Variants in USP31 observed in about 807,000 individuals in gnomAD.
USP31 encodes ubiquitin carboxyl-terminal hydrolase 31.
USP31 carries 44 observed loss-of-function variants against 119.4 expected under a neutral mutation model. That is an observed-to-expected ratio of 0.37 (90% CI 0.29 to 0.47). The LOEUF (loss-of-function observed/expected upper bound fraction) is 0.47. Ranked by LOEUF, USP31 falls within the 20% of genes least tolerant of loss-of-function variation. USP31 has a pLI of 0.99. For synonymous variants in USP31, 749 were observed against 705.6 expected (o/e 1.06, Z -0.97); for missense variants, 1,643 against 1,730.2 (o/e 0.95, Z 0.89).
chr16:23,144,671 G>A (rs1375035531), intron 1 of USP31, among the ~76,000 whole-genome samples: 1 of 151,938 alleles, frequency 6.6e-6, no homozygotes, highest in Non-Finnish European at 1.5e-5. Flanking sequence ...TAGTAGAGAT[G>A]GGGTTTCACC....
At chr16:23,076,032 G>A (rs1900556070) in intron 13 of USP31, among the ~76,000 whole-genome samples, 2 of 152,114 alleles carry the variant, frequency 1.3e-5, no homozygotes, top group Admixed American at 1.3e-4. Flanking sequence ...GCTGCAGTGA[G>A]CCACGATCAC....
In USP31 at chr16:23,069,235, C is replaced by T. The variant is rs778950135; in HGVS notation, c.2870G>A (p.Arg957Lys). The T allele has an allele frequency of 6.2e-7, 1 of 1,614,218 alleles. No homozygotes were observed. Among genetic ancestry groups the T allele is most frequent in the South Asian group, 1.1e-5 (1 of 91,074 alleles). Residue 957 changes from arginine (R) to lysine (K), a missense_variant, in exon 16 of 16, where the codon AGA becomes AAA. Arg to Lys is a conservative substitution (Grantham distance 26). Transcript: ENST00000219689. Reference protein sequence around the residue: ...GVFKDESDTRRLNSSVVDTQS... With the variant: ...GVFKDESDTRKLNSSVVDTQS... ...TGTATCTACGACACTGGAGTTCAAT[C>T]TGCGGGTGTCCGATTCGTCTTTGAA...
At chr16:23,101,241 AGT>A (rs967980265) in intron 6 of USP31, among the ~76,000 whole-genome samples, 2 of 152,228 alleles carry the variant, frequency 1.3e-5, no homozygotes, top group African/African-American at 4.8e-5. Context: ...GGAAAAATGC[AGT>A]GTGTGTCAAC....
intron 12 of USP31, 116 bp from the exon 13 acceptor site, chr16:23,080,287 G>T: frequency 1.2e-6 from 1 of 840,558 alleles, no homozygotes; most frequent in Non-Finnish European, 1.8e-6. Context: ...CCTATCTGAT[G>T]TTTCCCAAGA....
chr16:23,149,275 G>T lies in USP31; in HGVS notation c.-5C>A. 1 of 1,078,154 alleles carries T rather than the reference G, an allele frequency of 9.3e-7. No individual in the cohort carries two copies. The highest frequency in any genetic ancestry group is 1.1e-6 in the Non-Finnish European group (1 of 890,986). The allele number at this position is 1,078,154 out of a possible 1,614,324, so 66.8% of individuals were successfully genotyped here. A position where few individuals can be genotyped will look rare whatever the true frequency, so the allele number is the denominator to read the frequency against. On this transcript the variant is annotated 5_prime_UTR_variant, in exon 1 of 16. Coordinates refer to ENST00000219689, the MANE Select transcript of USP31 (RefSeq NM_020718.4). Reference sequence around the variant, plus strand: ...AGGCGCCGTTACCTTGGACATGGCGGCGGCCGCAGACACTCATCACCGCGC... The same window carrying T: ...AGGCGCCGTTACCTTGGACATGGCGTCGGCCGCAGACACTCATCACCGCGC...
intron 6 of USP31, among the ~76,000 whole-genome samples, chr16:23,094,707 CA>C (rs1279815620): frequency 6.6e-6 from 1 of 152,204 alleles, no homozygotes; most frequent in Non-Finnish European, 1.5e-5. Context: ...GATACCCAGG[CA>C]AACAGGGTCT....
chr16:23,141,070 AG>A (rs1393960206), intron 1 of USP31, among the ~76,000 whole-genome samples: 1 of 152,194 alleles, frequency 6.6e-6, no homozygotes, highest in Non-Finnish European at 1.5e-5. Flanking sequence ...AGATCATACC[AG>A]GACTCTGTTT....
chr16:23,091,217 C>T (rs1901348478), intron 6 of USP31, among the ~76,000 whole-genome samples: 1 of 152,144 alleles, frequency 6.6e-6, no homozygotes, highest in Admixed American at 6.5e-5. Flanking sequence ...ATTAAAGAGC[C>T]AGACTTATAA....
intron 9 of USP31, among the ~76,000 whole-genome samples, chr16:23,085,951 A>G (rs1901090342): frequency 6.6e-6 from 1 of 152,218 alleles, no homozygotes; most frequent in Admixed American, 6.5e-5. Context: ...TCACTCTCAG[A>G]TAGTCATTAT....
chr16:23,070,762 T>C (rs903154600), intron 15 of USP31, among the ~76,000 whole-genome samples: 3 of 152,168 alleles, frequency 2.0e-5, no homozygotes, highest in Non-Finnish European at 2.9e-5. Flanking sequence ...CTATTTGGTG[T>C]GGCTCAAAAC....
chr16:23,087,874 G>A (rs757430460), intron 7 of USP31, 39 bp from the exon 8 acceptor site: 4 of 1,533,250 alleles, frequency 2.6e-6, no homozygotes, highest in Non-Finnish European at 3.6e-6. Flanking sequence ...TTAAAGTACG[G>A]TAATTCCTTT....
At chr16:23,120,988 TAA>T (rs1362837925) in intron 1 of USP31, among the ~76,000 whole-genome samples, 1 of 152,030 alleles carries the variant, frequency 6.6e-6, no homozygotes, top group Admixed American at 6.5e-5. Context: ...CATTTTATTA[TAA>T]GAGACCTAAA....
intron 1 of USP31, among the ~76,000 whole-genome samples, chr16:23,130,462 A>T (rs1353000724): frequency 6.6e-6 from 1 of 151,948 alleles, no homozygotes; most frequent in Non-Finnish European, 1.5e-5. Flanking sequence ...AAAAAGAAAA[A>T]CTACCAATTA....
chr16:23,100,189 G>A (rs1479780972), intron 6 of USP31, among the ~76,000 whole-genome samples: 5 of 152,122 alleles, frequency 3.3e-5, no homozygotes, highest in Non-Finnish European at 7.3e-5. Context: ...GAAGAGAAAC[G>A]AAAACATAAG....
chr16:23,118,159 G>A (rs1902557662), intron 1 of USP31, among the ~76,000 whole-genome samples: 1 of 152,116 alleles, frequency 6.6e-6, no homozygotes, highest in African/African-American at 2.4e-5. Flanking sequence ...TGGGAATGGT[G>A]ATAGGAATGC....
intron 15 of USP31, among the ~76,000 whole-genome samples, chr16:23,071,328 G>A (rs1900333341): frequency 6.6e-6 from 1 of 151,226 alleles, no homozygotes; most frequent in African/African-American, 2.4e-5. Context: ...GGCAGATTGA[G>A]TCACTATGCT....
At chr16:23,079,650 T>C (rs945484945) in intron 13 of USP31, 5 of 273,342 alleles carry the variant, frequency 1.8e-5, no homozygotes, top group Admixed American at 1.0e-4. Context: ...AAACCGTAAA[T>C]GGGGAGCGCA....
Position 23,113,926 on chromosome 16 carries a change from G to GT in USP31, c.634-5744_634-5743insA, listed in dbSNP as rs536129112. ...TCAATATCAGCCTGGCCAACATGGT[G>GT]AAACCCCATCTCTACTAAAAATACA... is the stretch of plus-strand genomic sequence containing the variant. On this transcript the variant is annotated intron_variant, in intron 1 of 15. Coordinates refer to ENST00000219689, the MANE Select transcript of USP31 (RefSeq NM_020718.4). 1.8e-3 allele frequency among the ~76,000 whole-genome samples: 281 copies of GT among 152,264 alleles called. 1 individual carries two copies. The highest frequency in any genetic ancestry group is 6.6e-3 in the African/African-American group (275 of 41,560).
At position 23,068,018 on chromosome 16, in the gene USP31, C is replaced by T; in HGVS notation, c.*28G>A. ...GGTTCTAAATAAATAAACATCTTTA[C>T]AGATAAAACACTTTGATTGCAGAAA... On this transcript the variant is annotated 3_prime_UTR_variant, in exon 16 of 16. Coordinates refer to ENST00000219689, the MANE Select transcript of USP31 (RefSeq NM_020718.4). 2 of 1,577,590 alleles carry T rather than the reference C, an allele frequency of 1.3e-6. No individual in the cohort carries two copies. Among genetic ancestry groups the T allele is most frequent in the Middle Eastern group, 1.8e-4 (1 of 5,704 alleles).
Sources: gnomAD v4.1 joint callset for allele counts (sites outside exome capture counted in the v4.1 genomes callset) on GRCh38, gnomAD v4.1.1 for gene constraint, MANE v1.5 for transcripts, NCBI Gene and HGNC (gene_info 2026-07-23, HGNC 2026-07-21) for gene names.